The following HECW1 variants were observed in gnomAD, a reference collection of about 807,000 sequenced individuals.
HECW1 encodes E3 ubiquitin-protein ligase HECW1.
HECW1 carries 61 observed loss-of-function variants against 182.3 expected under a neutral mutation model. That is an observed-to-expected ratio of 0.33 (90% CI 0.27 to 0.41). HECW1 has a LOEUF of 0.41. Ranked by LOEUF, HECW1 falls within the 10% of genes least tolerant of loss-of-function variation. The pLI, the probability that HECW1 is intolerant of heterozygous loss-of-function variation, is 1.00. For synonymous variants in HECW1, 859 were observed against 832.6 expected (o/e 1.03, Z -0.55); for missense variants, 1,739 against 2,108.9 (o/e 0.82, Z 3.44).
intron 26 of HECW1, among the ~76,000 whole-genome samples, chr7:43,548,005 T>C (rs1220363278): frequency 6.6e-6 from 1 of 152,264 alleles, no homozygotes; most frequent in Non-Finnish European, 1.5e-5. Flanking sequence ...ACTACAAAAT[T>C]ATTACAATAG....
At position 43,467,395 on chromosome 7, in the gene HECW1, G is replaced by A. The variant is rs114731821; in HGVS notation, c.2913+827G>A. Among the ~76,000 whole-genome samples, 5 of 152,240 alleles carry A rather than the reference G, an allele frequency of 3.3e-5. No homozygotes were observed. In the East Asian group the frequency reaches 7.7e-4, roughly 24 times the overall value. Reference sequence around the variant, plus strand: ...AGGATGCACCCGTGAGGAGGCCTGGGGGATAAGTCCAGGGTGGTGAGTGTG... The same window carrying A: ...AGGATGCACCCGTGAGGAGGCCTGGAGGATAAGTCCAGGGTGGTGAGTGTG... On this transcript the variant is annotated intron_variant, in intron 15 of 29. Transcript: ENST00000395891.
chr7:43,138,820 G>A (rs1435802418), intron 2 of HECW1, among the ~76,000 whole-genome samples: 2 of 152,118 alleles, frequency 1.3e-5, no homozygotes, highest in Non-Finnish European at 2.9e-5. Flanking sequence ...GGGAAGGGTG[G>A]GTGAGAGATT....
At chr7:43,150,149 A>T (rs1161996341) in intron 2 of HECW1, among the ~76,000 whole-genome samples, 1 of 152,186 alleles carries the variant, frequency 6.6e-6, no homozygotes, top group Non-Finnish European at 1.5e-5. Flanking sequence ...CTGCCCAATA[A>T]CCCTATTATT....
At chr7:43,198,360 C>A (rs1190219016) in intron 2 of HECW1, among the ~76,000 whole-genome samples, 1 of 150,866 alleles carries the variant, frequency 6.6e-6, no homozygotes, top group African/African-American at 2.4e-5. Context: ...AGTCACACAC[C>A]CCACGCTCTC....
intron 2 of HECW1, among the ~76,000 whole-genome samples, chr7:43,159,647 A>G (rs1302718062): frequency 6.6e-6 from 1 of 151,828 alleles, no homozygotes; most frequent in African/African-American, 2.4e-5. Flanking sequence ...ATCTTTACAA[A>G]TATATGAAAG....
chr7:43,266,017 CG>C (rs1801750000), intron 3 of HECW1, among the ~76,000 whole-genome samples: 1 of 152,068 alleles, frequency 6.6e-6, no homozygotes. Flanking sequence ...TTCACCAGCT[CG>C]GGAGCACCCC....
intron 12 of HECW1, among the ~76,000 whole-genome samples, chr7:43,453,308 C>T (rs1285316989): frequency 6.6e-6 from 1 of 152,010 alleles, no homozygotes; most frequent in Non-Finnish European, 1.5e-5. Flanking sequence ...TGATTCTGGA[C>T]ATATATTTTA....
intron 2 of HECW1, among the ~76,000 whole-genome samples, chr7:43,158,899 A>T (rs966418919): frequency 6.6e-6 from 1 of 152,232 alleles, no homozygotes; most frequent in Non-Finnish European, 1.5e-5. Context: ...TTCTCAAACT[A>T]TACTGTGCAT....
intron 16 of HECW1, among the ~76,000 whole-genome samples, chr7:43,471,000 C>A (rs1242724266): frequency 2.0e-5 from 3 of 152,148 alleles, no homozygotes; most frequent in Admixed American, 2.0e-4. Flanking sequence ...CATTTCTGAG[C>A]CTTAAAATAG....
intron 2 of HECW1, among the ~76,000 whole-genome samples, chr7:43,197,835 T>G (rs757728647): frequency 6.6e-6 from 1 of 152,034 alleles, no homozygotes; most frequent in Non-Finnish European, 1.5e-5. Context: ...GATTTCAAGA[T>G]GGCGACAGCA....
intron 5 of HECW1, among the ~76,000 whole-genome samples, chr7:43,326,265 C>A (rs774040755): frequency 2.6e-5 from 4 of 152,196 alleles, no homozygotes; most frequent in Admixed American, 1.3e-4. Context: ...AGCAGCCAAC[C>A]TTACTGACAG....
intron 3 of HECW1, among the ~76,000 whole-genome samples, chr7:43,250,442 G>A (rs1016363495): frequency 6.6e-6 from 1 of 152,202 alleles, no homozygotes. Flanking sequence ...TTAGCAAACA[G>A]GTCTCTGGCC....
intron 3 of HECW1, among the ~76,000 whole-genome samples, chr7:43,293,486 G>A (rs1805669864): frequency 6.6e-6 from 1 of 152,112 alleles, no homozygotes; most frequent in Admixed American, 6.5e-5. Context: ...TGGTCCTTTT[G>A]TTACTTAAGC....
intron 5 of HECW1, among the ~76,000 whole-genome samples, chr7:43,334,983 A>G (rs148104564): frequency 1.9e-3 from 289 of 152,364 alleles, no homozygotes; most frequent in Admixed American, 3.7e-3. Context: ...TGAATTTTCT[A>G]TAACACAGAA....
chr7:43,336,124 TTCTCTCTCTCTCTCTCTCTTTC>T (rs1812188988), intron 5 of HECW1, among the ~76,000 whole-genome samples: 9 of 64,248 alleles, frequency 1.4e-4, no homozygotes, highest in South Asian at 6.0e-4. Context: ...CTTTCTTTCT[TTCTCTCTCTCTCTCTCTCTTTC>T]TCTCTCTCTC....
chr7:43,219,066 T>G (rs980560449), intron 2 of HECW1, among the ~76,000 whole-genome samples: 2 of 152,084 alleles, frequency 1.3e-5, no homozygotes, highest in East Asian at 3.9e-4. Flanking sequence ...ATGTCATTCA[T>G]GTAGCCTGCG....
intron 4 of HECW1, among the ~76,000 whole-genome samples, chr7:43,319,421 G>A (rs528540015): frequency 2.7e-5 from 4 of 145,948 alleles, no homozygotes; most frequent in East Asian, 2.0e-4. Flanking sequence ...AGAGAACATC[G>A]ATAGGTTGCA....
At chr7:43,138,479 T>A (rs1399305910) in intron 2 of HECW1, among the ~76,000 whole-genome samples, 1 of 152,194 alleles carries the variant, frequency 6.6e-6, no homozygotes. Context: ...GAGGGTCGCT[T>A]TGGGGGAGTT....
At chr7:43,266,936 T>G (rs1584252791) in intron 3 of HECW1, among the ~76,000 whole-genome samples, 1 of 152,344 alleles carries the variant, frequency 6.6e-6, no homozygotes, top group East Asian at 1.9e-4. Flanking sequence ...AAGTTGATTA[T>G]TCTGTATTGA....
Sources: allele counts gnomAD v4.1 joint callset (sites outside exome capture counted in the v4.1 genomes callset), GRCh38; gene constraint gnomAD v4.1.1; transcripts MANE v1.5; gene names NCBI Gene and HGNC (gene_info 2026-07-23, HGNC 2026-07-21).